Variants in SNTG2 observed in about 807,000 individuals in gnomAD.
SNTG2 encodes gamma-2-syntrophin.
Under a neutral mutation model 70.9 loss-of-function variants are expected in SNTG2, and 74 were observed. The observed-to-expected ratio is 1.04, with a 90% CI of 0.86 to 1.27. The LOEUF (loss-of-function observed/expected upper bound fraction) is 1.27. Ranked by LOEUF, SNTG2 falls within the 50% of genes most tolerant of loss-of-function variation. The probability of loss-of-function intolerance (pLI) is 0.00; values close to 1 mark genes in which losing one functional copy is unlikely to be tolerated. For synonymous variants in SNTG2, 278 were observed against 273.8 expected, an observed-to-expected ratio of 1.02 and a Z score of -0.15; for missense variants, 717 against 690.7, an observed-to-expected ratio of 1.04 and a Z score of -0.43.
chr2:1,079,843 C>T (rs1022312481), intron 1 of SNTG2, among the ~76,000 whole-genome samples: 2 of 152,170 alleles, frequency 1.3e-5, no homozygotes, highest in Non-Finnish European at 2.9e-5. Flanking sequence ...GATATAACAT[C>T]GATCAATATC....
chr2:1,307,763 T>C (rs556561393), intron 14 of SNTG2, among the ~76,000 whole-genome samples: 48 of 152,222 alleles, frequency 3.2e-4, no homozygotes, highest in Admixed American at 7.8e-4. Flanking sequence ...TCAACCAACA[T>C]GGCTGCGAGT....
chr2:1,243,952 G>C (rs1677220585), intron 11 of SNTG2, among the ~76,000 whole-genome samples: 1 of 152,174 alleles, frequency 6.6e-6, no homozygotes, highest in African/African-American at 2.4e-5. Flanking sequence ...CTTCAACCCT[G>C]GAGGCGGAGG....
chr2:1,089,802 A>G (rs1664905782), intron 2 of SNTG2, among the ~76,000 whole-genome samples: 1 of 152,228 alleles, frequency 6.6e-6, no homozygotes, highest in Non-Finnish European at 1.5e-5. Flanking sequence ...TTATTTTTTT[A>G]AGTATATAAT....
chr2:1,356,341 CTAT>C (rs1025998161), intron 16 of SNTG2, among the ~76,000 whole-genome samples: 3 of 152,238 alleles, frequency 2.0e-5, no homozygotes, highest in African/African-American at 7.2e-5. Flanking sequence ...AGTCGTTAAT[CTAT>C]TTTGAGTTGA....
chr2:1,099,645 G>T (rs371886096), intron 4 of SNTG2, among the ~76,000 whole-genome samples: 8 of 152,318 alleles, frequency 5.3e-5, no homozygotes, highest in Non-Finnish European at 1.0e-4. Context: ...GGGCAGCGAT[G>T]GTCAGGTCAT....
chr2:1,232,720 T>C (rs1232423478), intron 9 of SNTG2, among the ~76,000 whole-genome samples: 1 of 152,236 alleles, frequency 6.6e-6, no homozygotes, highest in Admixed American at 6.5e-5. Flanking sequence ...AGAAAAAATA[T>C]ATTTTTCTAA....
chr2:1,002,754 A>T (rs985616810), intron 1 of SNTG2, among the ~76,000 whole-genome samples: 8 of 151,440 alleles, frequency 5.3e-5, no homozygotes, highest in Non-Finnish European at 8.8e-5. Context: ...AAGGATATAT[A>T]CCCAAAGGGA....
At chr2:1,240,314 C>A (rs1372467498) in intron 11 of SNTG2, among the ~76,000 whole-genome samples, 1 of 152,126 alleles carries the variant, frequency 6.6e-6, no homozygotes, top group Non-Finnish European at 1.5e-5. Flanking sequence ...GGATAGCTAC[C>A]TTTGTAGCCA....
rs1425523912 is a variant in SNTG2, at chr2:958,843, G to A, written c.72+7775G>A. Reference sequence around the variant, plus strand: ...TAATATTTTGATGTTAGGAGTTATAGTATCAAACATGCCTTATGACAGTCA... The same window carrying A: ...TAATATTTTGATGTTAGGAGTTATAATATCAAACATGCCTTATGACAGTCA... On this transcript the variant is annotated intron_variant, in intron 1 of 16. Transcript: ENST00000308624. Among the ~76,000 whole-genome samples, 7 of 152,212 alleles carry A rather than the reference G, an allele frequency of 4.6e-5. No homozygotes were observed. In the East Asian group the frequency reaches 1.4e-3, roughly 29 times the overall value.
At position 981,617 on chromosome 2, in the gene SNTG2, G is replaced by A. The variant is rs189437920; in HGVS notation, c.72+30549G>A. ...CCTGTGCCCACACATATGCACATAT[G>A]CATATACACACAGGTGCACAGACGT... On this transcript the variant is annotated intron_variant, in intron 1 of 16. Coordinates refer to ENST00000308624, the MANE Select transcript of SNTG2 (RefSeq NM_018968.4). Among the ~76,000 whole-genome samples, 1,332 of 151,584 alleles carry A rather than the reference G, an allele frequency of 8.8e-3. 18 individuals carry two copies. Among genetic ancestry groups the A allele is most frequent in the African/African-American group, 0.03 (1,257 of 41,458 alleles).
At position 1,222,115 on chromosome 2, in the gene SNTG2, G is replaced by C. The variant is rs1054512366; in HGVS notation, c.719+12885G>C. Among the ~76,000 whole-genome samples the C allele has an allele frequency of 4.0e-3, 89 of 22,052 alleles. 1 individual carries two copies. The highest frequency in any genetic ancestry group is 8.6e-3 in the Admixed American group (19 of 2,218). 14.5% of individuals were successfully genotyped at this position (22,052 alleles called of 152,430 possible). ...TCTCTGTCTCTCTCTGTCTCTCTCT[G>C]TCTCTCTCTGTCTCTCTCTGTCTCT... is the stretch of plus-strand genomic sequence containing the variant. On this transcript the variant is annotated intron_variant, in intron 9 of 16. Transcript: ENST00000308624.
intron 1 of SNTG2, among the ~76,000 whole-genome samples, chr2:1,055,288 C>T (rs1662320655): frequency 2.0e-5 from 3 of 152,244 alleles, no homozygotes. Context: ...CTTGGGGCCG[C>T]TCTGCTCGGG....
chr2:1,318,792 G>A (rs1039317429), intron 16 of SNTG2, among the ~76,000 whole-genome samples: 1 of 148,632 alleles, frequency 6.7e-6, no homozygotes, highest in Non-Finnish European at 1.5e-5. Context: ...GAGGAGCACC[G>A]TAACCTTTTG....
intron 1 of SNTG2, among the ~76,000 whole-genome samples, chr2:1,073,824 C>A (rs1196270794): frequency 6.6e-6 from 1 of 152,118 alleles, no homozygotes; most frequent in African/African-American, 2.4e-5. Flanking sequence ...ACTTTGCATT[C>A]TTTTCATTAA....
intron 8 of SNTG2, among the ~76,000 whole-genome samples, chr2:1,185,578 C>T (rs962440684): frequency 6.6e-6 from 1 of 152,238 alleles, no homozygotes; most frequent in Admixed American, 6.5e-5. Flanking sequence ...GCAGGCTTAA[C>T]ACCACATGGA....
intron 1 of SNTG2, among the ~76,000 whole-genome samples, chr2:1,000,174 A>G (rs1245025042): frequency 6.6e-6 from 1 of 151,964 alleles, no homozygotes; most frequent in Admixed American, 6.5e-5. Flanking sequence ...TTTCTGCATG[A>G]AAAAATAGAA....
intron 16 of SNTG2, among the ~76,000 whole-genome samples, chr2:1,356,453 A>T (rs1335595880): frequency 6.6e-6 from 1 of 152,158 alleles, no homozygotes; most frequent in Non-Finnish European, 1.5e-5. Context: ...ACCTTTCCCC[A>T]CTGTATAGCG....
chr2:1,018,695 C>T (rs998063119), intron 1 of SNTG2, among the ~76,000 whole-genome samples: 5 of 151,796 alleles, frequency 3.3e-5, no homozygotes, highest in African/African-American at 4.8e-5. Flanking sequence ...ACAGCATGAA[C>T]GATATGCAAA....
At chr2:1,041,957 T>A (rs564257065) in intron 1 of SNTG2, among the ~76,000 whole-genome samples, 1 of 152,280 alleles carries the variant, frequency 6.6e-6, no homozygotes, top group South Asian at 2.1e-4. Flanking sequence ...TTTCCCAGAG[T>A]TCCAATTATT....
Sources: gnomAD v4.1 joint callset for allele counts (sites outside exome capture counted in the v4.1 genomes callset) on GRCh38, gnomAD v4.1.1 for gene constraint, MANE v1.5 for transcripts, NCBI Gene and HGNC (gene_info 2026-07-23, HGNC 2026-07-21) for gene names.